Variants in GALC observed in about 807,000 individuals in gnomAD.
GALC encodes galactosylceramidase.
In GALC, 77 loss-of-function variants were observed where a neutral mutation model predicts 91.8. The ratio of observed to expected loss-of-function variants is 0.84; its 90% CI spans 0.70 to 1.01. GALC has a LOEUF of 1.01. GALC is among the 50% of genes least tolerant of loss of function. The pLI is 0.00. For synonymous variants in GALC, 357 were observed against 306.7 expected, an observed-to-expected ratio of 1.16 and a Z score of -1.71; for missense variants, 882 against 855.9, an observed-to-expected ratio of 1.03 and a Z score of -0.38.
At chr14:87,968,130 C>T (rs1048937003) in intron 8 of GALC, among the ~76,000 whole-genome samples, 2 of 151,826 alleles carry the variant, frequency 1.3e-5, no homozygotes, top group African/African-American at 4.8e-5. Context: ...CTCAATAAAC[C>T]TGACTTTATT....
At chr14:87,946,355 T>C (rs1885070819) in intron 13 of GALC, among the ~76,000 whole-genome samples, 1 of 152,050 alleles carries the variant, frequency 6.6e-6, no homozygotes, top group South Asian at 2.1e-4. Flanking sequence ...CTAAATTAAA[T>C]TATAGTCTTA....
intron 10 of GALC, among the ~76,000 whole-genome samples, chr14:87,959,909 A>C (rs945429281): frequency 1.2e-4 from 19 of 152,024 alleles, no homozygotes; most frequent in Non-Finnish European, 1.6e-4. Flanking sequence ...TGCATGAATA[A>C]AGAAAATGTG....
chr14:87,952,028 A>G (rs1371115431), intron 10 of GALC, among the ~76,000 whole-genome samples: 1 of 152,010 alleles, frequency 6.6e-6, no homozygotes, highest in Admixed American at 6.6e-5. Flanking sequence ...TTATGTAACC[A>G]AATACCACTT....
At chr14:87,979,567 T>C (rs1393955538) in intron 6 of GALC, among the ~76,000 whole-genome samples, 1 of 152,204 alleles carries the variant, frequency 6.6e-6, no homozygotes, top group Non-Finnish European at 1.5e-5. Context: ...AGCAACAGAC[T>C]CTTAATAGTA....
chr14:87,940,853 C>G (rs977140013), intron 15 of GALC, among the ~76,000 whole-genome samples: 1 of 151,984 alleles, frequency 6.6e-6, no homozygotes, highest in African/African-American at 2.4e-5. Context: ...GGACACAGTT[C>G]AATCTGAACA....
intron 12 of GALC, among the ~76,000 whole-genome samples, chr14:87,949,031 T>C (rs1439418160): frequency 6.6e-5 from 10 of 151,990 alleles, no homozygotes; most frequent in African/African-American, 9.7e-5. Context: ...GTCTTCAAGG[T>C]GTCCAGTGGT....
intron 6 of GALC, among the ~76,000 whole-genome samples, chr14:87,977,668 T>C (rs1179376477): frequency 2.6e-5 from 4 of 152,200 alleles, no homozygotes; most frequent in Admixed American, 6.5e-5. Flanking sequence ...TGCTCAATAC[T>C]ACTGGTTGAA....
chr14:87,987,279 AAGGTAAACATC>A (rs1323477110), intron 3 of GALC, among the ~76,000 whole-genome samples: 1 of 152,208 alleles, frequency 6.6e-6, no homozygotes, highest in Admixed American at 6.5e-5. Flanking sequence ...TTTCTTCTTA[AAGGTAAACATC>A]AGAATTCACA....
Position 87,984,498 on chromosome 14 carries a change from C to T in GALC, c.478G>A (p.Gly160Ser). 1 of 1,614,078 alleles carries T rather than the reference C, an allele frequency of 6.2e-7. No homozygotes were observed. The highest frequency in any genetic ancestry group is 1.1e-5 in the South Asian group (1 of 91,078). Residue 160 changes from glycine (G) to serine (S), a missense_variant, in exon 5 of 17, where the codon GGT becomes AGT. Coordinates refer to ENST00000261304, the MANE Select transcript of GALC (RefSeq NM_000153.4). ...PWSFPGWLGK[G>S]FDWPYVNLQL... ...AGATTGACATAAGGCCAGTCGAAACCTTTTCCCAGCCATCCAGGGAATGAC... is the reference window on the plus strand; with the variant it reads ...AGATTGACATAAGGCCAGTCGAAACTTTTTCCCAGCCATCCAGGGAATGAC...
intron 7 of GALC, among the ~76,000 whole-genome samples, chr14:87,970,543 T>C (rs1886242638): frequency 6.6e-6 from 1 of 152,038 alleles, no homozygotes; most frequent in Non-Finnish European, 1.5e-5. Flanking sequence ...TACTAAAATC[T>C]GGGTCTTTCT....
chr14:87,990,288 T>C (rs974202104), intron 1 of GALC, among the ~76,000 whole-genome samples: 3 of 152,222 alleles, frequency 2.0e-5, no homozygotes, highest in Non-Finnish European at 2.9e-5. Context: ...ACTGGCAACA[T>C]AAATAGGAGT....
At chr14:87,943,394 T>A (rs1014935085) in intron 14 of GALC, among the ~76,000 whole-genome samples, 3 of 152,056 alleles carry the variant, frequency 2.0e-5, no homozygotes, top group African/African-American at 7.2e-5. Flanking sequence ...GAGGAAGTTC[T>A]ACTCAAAACA....
chr14:87,971,555 T>G (rs773911332), intron 7 of GALC, among the ~76,000 whole-genome samples: 11 of 152,084 alleles, frequency 7.2e-5, no homozygotes, highest in Non-Finnish European at 1.0e-4. Context: ...TGGAAAAAAT[T>G]TAATTGAATT....
At chr14:87,945,763 A>G in intron 13 of GALC, 30 bp from the exon 14 acceptor site, 1 of 1,540,174 alleles carries the variant, frequency 6.5e-7, no homozygotes, top group East Asian at 2.3e-5. Flanking sequence ...TTCTCTGTTT[A>G]GTATCAAATC....
intron 10 of GALC, among the ~76,000 whole-genome samples, chr14:87,962,841 C>A (rs575458103): frequency 1.3e-5 from 2 of 152,094 alleles, no homozygotes; most frequent in Admixed American, 6.6e-5. Flanking sequence ...CTGGCTTCTG[C>A]TTCTGCTTCC....
chr14:87,934,444 G>C lies in GALC; in HGVS notation c.*288C>G. On this transcript the variant is annotated 3_prime_UTR_variant, in exon 17 of 17. Transcript: ENST00000261304. ...ACCTCAGTGTTAGCAGCAAGGCTTC[G>C]AGGTCTGTACTACTCAAACCACTCC... 1 of 1,317,252 alleles carries C rather than the reference G, an allele frequency of 7.6e-7. No individual in the cohort carries two copies. The highest frequency in any genetic ancestry group is 9.7e-7 in the Non-Finnish European group (1 of 1,028,676). The allele number at this position is 1,317,252 out of a possible 1,614,324, so 81.6% of individuals were successfully genotyped here.
chr14:87,960,319 A>G (rs911589803), intron 10 of GALC, among the ~76,000 whole-genome samples: 1 of 152,180 alleles, frequency 6.6e-6, no homozygotes, highest in African/African-American at 2.4e-5. Context: ...ATTGGACAGG[A>G]GGTGTAAGTT....
At chr14:87,935,624 A>G (rs1884538640) in intron 16 of GALC, among the ~76,000 whole-genome samples, 1 of 152,032 alleles carries the variant, frequency 6.6e-6, no homozygotes, top group Non-Finnish European at 1.5e-5. Flanking sequence ...AATAAATCTC[A>G]GCTCTTATTA....
intron 14 of GALC, among the ~76,000 whole-genome samples, chr14:87,943,162 C>T (rs186005183): frequency 6.6e-6 from 1 of 152,106 alleles, no homozygotes; most frequent in African/African-American, 2.4e-5. Context: ...TCTTCCACAG[C>T]CACAATCTCT....
Sources: allele counts gnomAD v4.1 joint callset (sites outside exome capture counted in the v4.1 genomes callset), GRCh38; gene constraint gnomAD v4.1.1; transcripts MANE v1.5; gene names NCBI Gene and HGNC (gene_info 2026-07-23, HGNC 2026-07-21).